DNAAF9: variants seen among roughly 807,000 people sequenced by gnomAD.
The protein encoded by DNAAF9 is dynein axonemal assembly factor 9.
A neutral mutation model predicts 167.0 loss-of-function variants in DNAAF9; 90 were observed. The observed-to-expected ratio is 0.54, with a 90% CI of 0.45 to 0.64. The LOEUF is 0.64. Ranked by LOEUF, DNAAF9 falls within the 30% of genes least tolerant of loss-of-function variation. The pLI, the probability that DNAAF9 is intolerant of heterozygous loss-of-function variation, is 0.00. For synonymous variants in DNAAF9, 491 were observed against 508.8 expected (o/e 0.96, Z 0.47); for missense variants, 1,315 against 1,442.2 (o/e 0.91, Z 1.43).
At chr20:3,289,995 A>C (rs960424055) in intron 26 of DNAAF9, 134 bp downstream of exon 26, 2 of 685,720 alleles carry the variant, frequency 2.9e-6, no homozygotes, top group Admixed American at 4.4e-5. Flanking sequence ...TCAGAAGAGC[A>C]TATTAAATGA....
intron 12 of DNAAF9, among the ~76,000 whole-genome samples, chr20:3,328,179 C>G (rs2069747193): frequency 9.1e-6 from 1 of 110,048 alleles, no homozygotes; most frequent in African/African-American, 4.1e-5. Context: ...GCCTGCATGG[C>G]TCTGTTTTTT....
At chr20:3,354,760 T>C (rs1352120614) in intron 7 of DNAAF9, among the ~76,000 whole-genome samples, 2 of 152,222 alleles carry the variant, frequency 1.3e-5, no homozygotes, top group Non-Finnish European at 2.9e-5. Context: ...CCAAATACAG[T>C]TGAATCTGGC....
At chr20:3,276,869 C>A (rs964902860) in intron 29 of DNAAF9, among the ~76,000 whole-genome samples, 2 of 152,194 alleles carry the variant, frequency 1.3e-5, no homozygotes, top group Non-Finnish European at 2.9e-5. Context: ...TAGGCAAACA[C>A]TTCCTCAACT....
chr20:3,295,625 C>T (rs1022448952), intron 23 of DNAAF9: 2 of 446,970 alleles, frequency 4.5e-6, no homozygotes, highest in Non-Finnish European at 9.0e-6. Flanking sequence ...TGAGAGGGAG[C>T]GTGAGGATGG....
At chr20:3,367,451 T>C (rs983490493) in intron 6 of DNAAF9, among the ~76,000 whole-genome samples, 2 of 152,236 alleles carry the variant, frequency 1.3e-5, no homozygotes, top group African/African-American at 4.8e-5. Context: ...GCTTTCAGCC[T>C]GTCTTGGCTT....
intron 9 of DNAAF9, among the ~76,000 whole-genome samples, chr20:3,343,056 T>C (rs906906488): frequency 1.0e-4 from 7 of 67,070 alleles, no homozygotes; most frequent in African/African-American, 5.3e-4. Flanking sequence ...CAGAAGCATG[T>C]TCATTTGTTA....
At chr20:3,316,890 CTTTTTT>C (rs11424663) in intron 17 of DNAAF9, 97 bp from the exon 18 acceptor site, 57 of 249,972 alleles carry the variant, frequency 2.3e-4, no homozygotes, top group East Asian at 6.4e-4. Flanking sequence ...AGCTAGGGTT[CTTTTTT>C]TTTTTTTTTT....
In DNAAF9 at chr20:3,252,161, G is replaced by C. The variant is rs1190075958; in HGVS notation, c.*411C>G. On this transcript the variant is annotated 3_prime_UTR_variant, in exon 37 of 37. Coordinates refer to ENST00000252032, the MANE Select transcript of DNAAF9 (RefSeq NM_001009984.3). ...GAGCAGCATCTGAGGCTTGAGGCCT[G>C]TCGTGGCCTCGCCTCCCAGACACGG... 1.2e-5 allele frequency: 2 copies of C among 161,318 alleles called. No individual in the cohort carries two copies. The highest frequency in any genetic ancestry group is 2.7e-5 in the Non-Finnish European group (2 of 74,016). 10.0% of individuals were successfully genotyped at this position (161,318 alleles called of 1,614,324 possible). A position where few individuals can be genotyped will look rare whatever the true frequency, so the allele number is the denominator to read the frequency against.
At position 3,287,743 on chromosome 20, in the gene DNAAF9, G is replaced by C. The variant is rs367639254; in HGVS notation, c.2375C>G (p.Ala792Gly). ...GGAAAGGTATCTCTGGAAGTGTGCAGCATGAAAACATTCAGAGCTGTCCAT... is the reference window on the plus strand; with the variant it reads ...GGAAAGGTATCTCTGGAAGTGTGCACCATGAAAACATTCAGAGCTGTCCAT... ...QIMDSSECFH[A>G]AHFQRYLSSA... The change falls in exon 27 of 37, where the codon GCT (alanine) becomes GGT (glycine). Residue 792 changes from alanine (A) to glycine (G), a missense_variant. This residue lies in a region of DNAAF9 where 981 missense variants were observed against 1,012.5 expected (regional missense o/e 0.97). Transcript: ENST00000252032. 3.3e-5 allele frequency: 53 copies of C among 1,614,040 alleles called. 1 individual carries two copies. Among genetic ancestry groups the C allele is most frequent in the Non-Finnish European group, 4.2e-5 (50 of 1,179,992 alleles).
Position 3,294,216 on chromosome 20 carries a change from G to C in DNAAF9, c.2161C>G (p.Pro721Ala). The C allele has an allele frequency of 6.2e-7, 1 of 1,613,070 alleles. No individual in the cohort carries two copies. Among genetic ancestry groups the C allele is most frequent in the Non-Finnish European group, 8.5e-7 (1 of 1,179,052 alleles). Reference sequence around the variant, plus strand: ...ACAGGAAGATGGGTCCGCATCACAGGCTCCTGGCTAATGCTGCTGATGGCG... The same window carrying C: ...ACAGGAAGATGGGTCCGCATCACAGCCTCCTGGCTAATGCTGCTGATGGCG... ...HFAISSISQE[P>A]VMRTHLPVLL... Residue 721 changes from proline to alanine, a missense_variant, in exon 25 of 37, where the codon CCT becomes GCT. Physicochemically the swap from Pro to Ala is conservative, Grantham distance 27. Coordinates refer to ENST00000252032, the MANE Select transcript of DNAAF9 (RefSeq NM_001009984.3).
chr20:3,372,039 T>C (rs557226716), intron 6 of DNAAF9, among the ~76,000 whole-genome samples: 1 of 152,364 alleles, frequency 6.6e-6, no homozygotes, highest in African/African-American at 2.4e-5. Flanking sequence ...CCTGGTTTTC[T>C]TTCTCATGCT....
At chr20:3,362,329 C>T in intron 6 of DNAAF9, 8 of 787,904 alleles carry the variant, frequency 1.0e-5, no homozygotes, top group South Asian at 9.8e-5. Context: ...TGCCATCTTG[C>T]ACTGCTGTCG....
chr20:3,338,648 A>ATTTTTT (rs140772082), intron 10 of DNAAF9, among the ~76,000 whole-genome samples: 2 of 121,796 alleles, frequency 1.6e-5, no homozygotes, highest in Non-Finnish European at 1.7e-5. Context: ...TTCTTGGATG[A>ATTTTTT]TTTTTTTTTT....
chr20:3,305,143 G>T (rs993280633), intron 20 of DNAAF9, among the ~76,000 whole-genome samples: 8 of 152,214 alleles, frequency 5.3e-5, no homozygotes, highest in African/African-American at 1.9e-4. Flanking sequence ...TCGGAACAAG[G>T]ATTCAGGTCT....
intron 8 of DNAAF9, among the ~76,000 whole-genome samples, chr20:3,347,652 A>G (rs1204291989): frequency 7.2e-5 from 11 of 151,900 alleles, no homozygotes; most frequent in Admixed American, 3.3e-4. Flanking sequence ...AGGTAGCCGG[A>G]TGCGATGGCT....
intron 26 of DNAAF9, among the ~76,000 whole-genome samples, chr20:3,289,635 T>A (rs983181947): frequency 2.0e-5 from 3 of 152,140 alleles, no homozygotes; most frequent in Non-Finnish European, 2.9e-5. Context: ...TCCTCCCACC[T>A]CAGCCTCCCG....
At chr20:3,279,057 G>T (rs969725665) in intron 28 of DNAAF9, 108 bp from the exon 29 acceptor site, 1 of 796,030 alleles carries the variant, frequency 1.3e-6, no homozygotes, top group Non-Finnish European at 2.2e-6. Flanking sequence ...TGACTCACAT[G>T]ATGAGGCAGG....
At chr20:3,316,632 C>T (rs989245931) in intron 18 of DNAAF9, 91 bp downstream of exon 18, 16 of 857,190 alleles carry the variant, frequency 1.9e-5, no homozygotes, top group Non-Finnish European at 3.2e-5. Flanking sequence ...CCTGACATCC[C>T]ACCAGGGGCC....
intron 16 of DNAAF9, among the ~76,000 whole-genome samples, chr20:3,318,950 G>A (rs2069558032): frequency 6.6e-6 from 1 of 151,852 alleles, no homozygotes; most frequent in South Asian, 2.1e-4. Flanking sequence ...AGGCATGGTG[G>A]CGTGTGCCTG....
Sources: allele counts gnomAD v4.1 joint callset (sites outside exome capture counted in the v4.1 genomes callset), GRCh38; gene constraint gnomAD v4.1.1; regional missense constraint gnomAD v4.1.1; transcripts MANE v1.5; gene names NCBI Gene and HGNC (gene_info 2026-07-23, HGNC 2026-07-21).